PPFIA2: variants seen among roughly 807,000 people sequenced by gnomAD.
PPFIA2 encodes liprin-alpha-2.
In PPFIA2, 46 loss-of-function variants were observed where a neutral mutation model predicts 175.5. The ratio of observed to expected loss-of-function variants is 0.26; its 90% CI spans 0.21 to 0.34. PPFIA2 has a LOEUF of 0.34. PPFIA2 is among the 10% of genes least tolerant of loss of function. PPFIA2 has a pLI of 1.00. For synonymous variants in PPFIA2, 568 were observed against 511.4 expected (o/e 1.11, Z -1.49); for missense variants, 1,179 against 1,506.1 (o/e 0.78, Z 3.60).
chr12:81,748,285 G>A (rs2083304533), intron 3 of PPFIA2, among the ~76,000 whole-genome samples: 1 of 144,676 alleles, frequency 6.9e-6, no homozygotes, highest in Non-Finnish European at 1.6e-5. Flanking sequence ...TGACCAAAAT[G>A]ACTCTTTTAG....
At chr12:81,272,632 T>C (rs1330889231) in intron 28 of PPFIA2, among the ~76,000 whole-genome samples, 1 of 152,200 alleles carries the variant, frequency 6.6e-6, no homozygotes, top group Non-Finnish European at 1.5e-5. Flanking sequence ...GATATGTTTC[T>C]TTTTTCTGAT....
At chr12:81,336,191 C>T (rs189185826) in intron 21 of PPFIA2, among the ~76,000 whole-genome samples, 2 of 152,206 alleles carry the variant, frequency 1.3e-5, no homozygotes, top group African/African-American at 2.4e-5. Context: ...TTCTATCCTA[C>T]TTTTGTAATT....
intron 4 of PPFIA2, among the ~76,000 whole-genome samples, chr12:81,637,227 G>A (rs1427827346): frequency 2.2e-5 from 3 of 134,102 alleles, no homozygotes; most frequent in African/African-American, 5.8e-5. Context: ...GCGCTACCAC[G>A]CCAGGCTAAT....
intron 4 of PPFIA2, among the ~76,000 whole-genome samples, chr12:81,618,253 C>CTCTG (rs2061610743): frequency 6.7e-6 from 1 of 148,602 alleles, no homozygotes. Context: ...ATGTGTAAAT[C>CTCTG]TGTGTGTGTG....
chr12:81,300,617 G>T (rs1191161774), intron 22 of PPFIA2, among the ~76,000 whole-genome samples: 1 of 152,164 alleles, frequency 6.6e-6, no homozygotes, highest in Non-Finnish European at 1.5e-5. Context: ...GGGGATAGAA[G>T]TGTTAAGTTC....
At chr12:81,561,510 C>G (rs1056376144) in intron 4 of PPFIA2, among the ~76,000 whole-genome samples, 4 of 150,650 alleles carry the variant, frequency 2.7e-5, no homozygotes, top group Non-Finnish European at 5.9e-5. Context: ...AGGAGGGAGT[C>G]CCCCCCCAAA....
At chr12:81,296,755 C>T (rs1389383277) in intron 23 of PPFIA2, 1 of 151,464 alleles carries the variant, frequency 6.6e-6, no homozygotes, top group African/African-American at 2.4e-5. Context: ...AGCCCTAATT[C>T]CTTTCCAGTC....
At chr12:81,541,415 G>A (rs576328025) in intron 4 of PPFIA2, among the ~76,000 whole-genome samples, 2 of 152,036 alleles carry the variant, frequency 1.3e-5, no homozygotes, top group African/African-American at 4.8e-5. Flanking sequence ...CCATAAGAAG[G>A]CCTCATGAGA....
At chr12:81,656,161 T>C (rs2067763034) in intron 4 of PPFIA2, among the ~76,000 whole-genome samples, 1 of 152,066 alleles carries the variant, frequency 6.6e-6, no homozygotes, top group Non-Finnish European at 1.5e-5. Flanking sequence ...TTATCTGTTA[T>C]TGTCTGTAGG....
Position 81,743,411 on chromosome 12 carries a change from C to CAAAAAAAAAA in PPFIA2, c.249+10552_249+10561dup. The stretch of plus-strand genomic sequence containing the variant: ...CGGGCCACAGAGTGAGACTCCGTCT[C>CAAAAAAAAAA]AAAAAAAAAAAAAAAAAAAAAAAAA... On this transcript the variant is annotated intron_variant, in intron 3 of 32. Coordinates refer to ENST00000549396, the MANE Select transcript of PPFIA2 (RefSeq NM_003625.5). 8.0e-4 allele frequency among the ~76,000 whole-genome samples: 20 copies of CAAAAAAAAAA among 24,860 alleles called. 3 individuals are homozygous for CAAAAAAAAAA. The highest frequency in any genetic ancestry group is 9.0e-4 in the Non-Finnish European group (14 of 15,500). 16.3% of individuals were successfully genotyped at this position (24,860 alleles called of 152,430 possible).
intron 21 of PPFIA2, among the ~76,000 whole-genome samples, chr12:81,330,544 C>T (rs186820384): frequency 7.0e-6 from 1 of 143,746 alleles, no homozygotes; most frequent in East Asian, 1.9e-4. Context: ...TCAACAAAGA[C>T]AAATATCTCC....
At chr12:81,594,134 GGAACA>G in intron 4 of PPFIA2, among the ~76,000 whole-genome samples, 1 of 151,982 alleles carries the variant, frequency 6.6e-6, no homozygotes, top group African/African-American at 2.4e-5. Context: ...GATCTAAGAT[GGAACA>G]TCTTAGATCC....
rs1368894482 is a variant in PPFIA2 at position 81,368,866 on chromosome 12, T to TA, written c.1351-11dup. ...TCTCTCTTTGCCTAGCCTTACATTT[T>TA]AAAAAATGACATAAAAATCCATTCA... On this transcript the variant is annotated splice_polypyrimidine_tract_variant and intron_variant, in intron 12 of 32. Coordinates refer to ENST00000549396, the MANE Select transcript of PPFIA2 (RefSeq NM_003625.5). 7.5e-6 allele frequency: 12 copies of TA among 1,596,122 alleles called. No individual in the cohort carries two copies. The South Asian group carries it at 1.1e-4, about 15-fold the overall frequency.
chr12:81,294,015 T>C (rs1023986932), intron 24 of PPFIA2, among the ~76,000 whole-genome samples: 2 of 125,004 alleles, frequency 1.6e-5, no homozygotes, highest in Non-Finnish European at 3.4e-5. Flanking sequence ...GAGACCATTA[T>C]CCCAAGTGAA....
At chr12:81,347,797 C>T (rs1409983388) in intron 17 of PPFIA2, 27 bp from the exon 18 acceptor site, 3 of 1,605,012 alleles carry the variant, frequency 1.9e-6, no homozygotes, top group Non-Finnish European at 2.5e-6. Context: ...AATTATGATC[C>T]ATATATAATT....
At chr12:81,525,614 C>G (rs2063643548) in intron 4 of PPFIA2, among the ~76,000 whole-genome samples, 1 of 152,002 alleles carries the variant, frequency 6.6e-6, no homozygotes, top group Non-Finnish European at 1.5e-5. Flanking sequence ...GAGCAGAAGA[C>G]TCACCTAGAT....
intron 4 of PPFIA2, among the ~76,000 whole-genome samples, chr12:81,491,435 T>G (rs2147071711): frequency 6.6e-6 from 1 of 152,062 alleles, no homozygotes; most frequent in South Asian, 2.1e-4. Flanking sequence ...AAATGAATTG[T>G]CTTTATTTAT....
chr12:81,520,244 C>T (rs535005694), intron 4 of PPFIA2, among the ~76,000 whole-genome samples: 5 of 152,214 alleles, frequency 3.3e-5, no homozygotes, highest in East Asian at 3.9e-4. Context: ...TGATGCCTAA[C>T]GCGCAGGTAG....
At chr12:81,696,066 T>C (rs1291543084) in intron 3 of PPFIA2, among the ~76,000 whole-genome samples, 2 of 152,178 alleles carry the variant, frequency 1.3e-5, no homozygotes, top group Non-Finnish European at 2.9e-5. Context: ...TGCCTGGATT[T>C]GAATATTGGC....
Sources: gnomAD v4.1 joint callset for allele counts (sites outside exome capture counted in the v4.1 genomes callset) on GRCh38, gnomAD v4.1.1 for gene constraint, MANE v1.5 for transcripts, NCBI Gene and HGNC (gene_info 2026-07-23, HGNC 2026-07-21) for gene names.